Variants in LRP2 observed in about 807,000 individuals in gnomAD.
LRP2 encodes the protein LDL receptor related protein 2.
A neutral mutation model predicts 531.0 loss-of-function variants in LRP2; 172 were observed. The ratio of observed to expected loss-of-function variants is 0.32; its 90% CI spans 0.29 to 0.37. LRP2 has a LOEUF of 0.37. Among genes scored for constraint, LRP2 ranks in the 10% least tolerant of loss-of-function variants. The pLI is 1.00. For missense variants in LRP2, 5,167 were observed against 5,868.3 expected (o/e 0.88, Z 3.90); for synonymous variants, 1,992 against 2,027.6 (o/e 0.98, Z 0.47).
At chr2:169,172,431 T>G (rs1687040942) in intron 57 of LRP2, among the ~76,000 whole-genome samples, 1 of 152,230 alleles carries the variant, frequency 6.6e-6, no homozygotes, top group Admixed American at 6.5e-5. Flanking sequence ...GATGCCATAA[T>G]AAATAAATAT....
chr2:169,262,818 A>T (rs1197746003), intron 16 of LRP2, among the ~76,000 whole-genome samples: 1 of 152,094 alleles, frequency 6.6e-6, no homozygotes. Flanking sequence ...ACAAAGCTGG[A>T]GGCATCACAC....
intron 3 of LRP2, 79 bp downstream of exon 3, chr2:169,318,683 A>G (rs1684831516): frequency 3.1e-6 from 5 of 1,593,092 alleles, no homozygotes; most frequent in Non-Finnish European, 4.3e-6. Flanking sequence ...GAATCATCCC[A>G]TTGTGTGTAA....
At chr2:169,149,607 C>T (rs1163582353) in intron 68 of LRP2, among the ~76,000 whole-genome samples, 2 of 152,034 alleles carry the variant, frequency 1.3e-5, no homozygotes, top group East Asian at 3.9e-4. Flanking sequence ...GAGGGCGAGG[C>T]AGATGGATCA....
intron 68 of LRP2, among the ~76,000 whole-genome samples, chr2:169,148,954 C>A (rs529860962): frequency 1.7e-4 from 26 of 152,304 alleles, no homozygotes; most frequent in African/African-American, 5.5e-4. Flanking sequence ...GGATCCCAAC[C>A]TTCAACATTC....
chr2:169,191,857 C>T lies in LRP2; in HGVS notation c.9007G>A (p.Gly3003Arg), dbSNP rs868325614. 4.7e-5 allele frequency: 76 copies of T among 1,613,894 alleles called. No homozygotes were observed. Among genetic ancestry groups the T allele is most frequent in the Non-Finnish European group, 6.0e-5 (71 of 1,179,968 alleles). ...CSENEFTCGYGLCIPKIFRCD... is the reference protein window; with the variant it reads ...CSENEFTCGYRLCIPKIFRCD... ...CTGAATATCTTTGGGATACACAGTC[C>T]GTAACCACAGGTGAATTCATTTTCA... Residue 3003 changes from glycine to arginine, a missense_variant, in exon 48 of 79, where the codon GGA (glycine) becomes AGA (arginine). Gly to Arg is a moderately radical substitution (Grantham distance 125). Coordinates refer to ENST00000649046, the MANE Select transcript of LRP2 (RefSeq NM_004525.3).
intron 9 of LRP2, among the ~76,000 whole-genome samples, chr2:169,288,808 G>A (rs544609059): frequency 1.3e-5 from 2 of 152,276 alleles, no homozygotes; most frequent in South Asian, 4.1e-4. Flanking sequence ...TAGTCAACTC[G>A]CTCATGACAG....
intron 16 of LRP2, among the ~76,000 whole-genome samples, chr2:169,263,054 G>T (rs1690636124): frequency 6.6e-6 from 1 of 152,176 alleles, no homozygotes; most frequent in African/African-American, 2.4e-5. Flanking sequence ...GTAGAAAGCT[G>T]AAACTGGATC....
chr2:169,313,054 C>G (rs1418533143), intron 3 of LRP2, among the ~76,000 whole-genome samples: 1 of 152,184 alleles, frequency 6.6e-6, no homozygotes, highest in Non-Finnish European at 1.5e-5. Flanking sequence ...TCAGCTCCAT[C>G]AGGTCATTTA....
At position 169,218,941 on chromosome 2, in the gene LRP2, A is replaced by G. The variant is rs371476443; in HGVS notation, c.5648+1513T>C. On this transcript the variant is annotated intron_variant, in intron 34 of 78. Coordinates refer to ENST00000649046, the MANE Select transcript of LRP2 (RefSeq NM_004525.3). ...AAACCCCACTGCCCATATAAAAGAC[A>G]AAAAAATTTCTATTTTCTTTGAGCC... 9.2e-5 allele frequency among the ~76,000 whole-genome samples: 14 copies of G among 152,226 alleles called. 3 individuals are homozygous for G. The highest frequency in any genetic ancestry group is 3.4e-4 in the African/African-American group (14 of 41,556).
intron 3 of LRP2, among the ~76,000 whole-genome samples, chr2:169,310,064 C>G (rs1210964228): frequency 1.3e-5 from 2 of 152,138 alleles, no homozygotes; most frequent in African/African-American, 4.8e-5. Context: ...GATTTTTGCA[C>G]ATTGATTTTG....
At chr2:169,246,477 G>C (rs1239784109) in intron 21 of LRP2, among the ~76,000 whole-genome samples, 2 of 151,994 alleles carry the variant, frequency 1.3e-5, no homozygotes, top group Non-Finnish European at 2.9e-5. Flanking sequence ...CCAATGTCAA[G>C]GAAAAAAATT....
intron 1 of LRP2, among the ~76,000 whole-genome samples, chr2:169,328,022 G>T (rs1230485763): frequency 2.3e-5 from 3 of 131,574 alleles, no homozygotes; most frequent in Non-Finnish European, 4.9e-5. Flanking sequence ...GTGGGGGGGG[G>T]TCAGCCCCCT....
intron 4 of LRP2, among the ~76,000 whole-genome samples, chr2:169,305,147 GA>G (rs1684382523): frequency 6.6e-6 from 1 of 152,146 alleles, no homozygotes; most frequent in South Asian, 2.1e-4. Context: ...ACTCTGCTAG[GA>G]AATGGAGAGA....
At chr2:169,349,363 G>C (rs1685782832) in intron 1 of LRP2, among the ~76,000 whole-genome samples, 1 of 152,106 alleles carries the variant, frequency 6.6e-6, no homozygotes, top group Admixed American at 6.5e-5. Flanking sequence ...AAGTGCAAAG[G>C]CCCAAAAGTG....
intron 37 of LRP2, 79 bp downstream of exon 37, chr2:169,211,886 TGAA>T: frequency 6.4e-7 from 1 of 1,561,946 alleles, no homozygotes; most frequent in East Asian, 2.2e-5. Flanking sequence ...AATCCACACA[TGAA>T]GAAATGTTTT....
chr2:169,129,681 T>C (rs1029107913), intron 77 of LRP2, among the ~76,000 whole-genome samples: 1 of 152,208 alleles, frequency 6.6e-6, no homozygotes, highest in African/African-American at 2.4e-5. Flanking sequence ...GGTACACTTA[T>C]TATCCTATAC....
At chr2:169,215,778 A>C (rs533147172) in intron 35 of LRP2, among the ~76,000 whole-genome samples, 2,570 of 147,748 alleles carry the variant, frequency 0.017, 70 homozygotes, top group African/African-American at 0.06. Flanking sequence ...TATATAGATC[A>C]TATATAGAAT....
chr2:169,296,868 A>G (rs1164608386), intron 4 of LRP2, among the ~76,000 whole-genome samples: 2 of 152,142 alleles, frequency 1.3e-5, no homozygotes, highest in African/African-American at 4.8e-5. Context: ...GCTTGATATC[A>G]TCAGGGAGGG....
chr2:169,332,219 A>AT (rs1685286394), intron 1 of LRP2, among the ~76,000 whole-genome samples: 1 of 152,218 alleles, frequency 6.6e-6, no homozygotes, highest in East Asian at 1.9e-4. Flanking sequence ...AGATTTGGTA[A>AT]TTCCCCATAG....
Sources: gnomAD v4.1 joint callset for allele counts (sites outside exome capture counted in the v4.1 genomes callset) on GRCh38, gnomAD v4.1.1 for gene constraint, MANE v1.5 for transcripts, NCBI Gene and HGNC (gene_info 2026-07-23, HGNC 2026-07-21) for gene names.